Variants in DSCAM observed in about 807,000 individuals in gnomAD.
The protein encoded by DSCAM is DS cell adhesion molecule.
DSCAM carries 47 observed loss-of-function variants against 217.7 expected under a neutral mutation model. The ratio of observed to expected loss-of-function variants is 0.22; its 90% CI spans 0.17 to 0.28. The LOEUF (loss-of-function observed/expected upper bound fraction) is 0.28, where lower values mean the gene tolerates loss of function less well. DSCAM is among the 10% of genes least tolerant of loss of function. The pLI is 1.00. For missense variants in DSCAM, 2,080 were observed against 2,618.3 expected, an observed-to-expected ratio of 0.79 and a Z score of 4.49; for synonymous variants, 1,056 against 1,015.3, an observed-to-expected ratio of 1.04 and a Z score of -0.76.
intron 14 of DSCAM, among the ~76,000 whole-genome samples, chr21:40,182,640 C>T (rs2090827424): frequency 2.2e-5 from 2 of 92,154 alleles, no homozygotes; most frequent in African/African-American, 5.4e-5. Context: ...AAACCGTGGA[C>T]AGGAGGGGGT....
chr21:40,406,873 C>G (rs1013142751), intron 3 of DSCAM, among the ~76,000 whole-genome samples: 2 of 152,168 alleles, frequency 1.3e-5, no homozygotes, highest in Admixed American at 6.5e-5. Flanking sequence ...CCTGCCTCGA[C>G]CTCCCAGAAT....
chr21:40,344,689 T>C lies in DSCAM; in HGVS notation c.1210+2981A>G, dbSNP rs374475854. ...TAATATTTTTCCTCCCTCAGATTTT[T>C]AAGTTTTTCTCTTTATCTTCGGTTT... On this transcript the variant is annotated intron_variant, in intron 6 of 32. Coordinates refer to ENST00000400454, the MANE Select transcript of DSCAM (RefSeq NM_001389.5). Among the ~76,000 whole-genome samples the C allele has an allele frequency of 1.4e-4, 22 of 152,338 alleles. No homozygotes were observed. The South Asian group carries it at 2.5e-3, about 17-fold the overall frequency.
intron 11 of DSCAM, among the ~76,000 whole-genome samples, chr21:40,233,398 G>T (rs2146928237): frequency 6.6e-6 from 1 of 152,218 alleles, no homozygotes; most frequent in African/African-American, 2.4e-5. Context: ...ACTTAAATCT[G>T]ATGAAGAAAA....
intron 3 of DSCAM, among the ~76,000 whole-genome samples, chr21:40,638,273 A>C (rs1217374733): frequency 6.6e-6 from 1 of 152,186 alleles, no homozygotes; most frequent in Non-Finnish European, 1.5e-5. Flanking sequence ...TTTCAAATGG[A>C]ATTTCCCTGG....
intron 28 of DSCAM, among the ~76,000 whole-genome samples, chr21:40,057,946 G>C (rs2089053686): frequency 7.2e-6 from 1 of 138,802 alleles, no homozygotes. Context: ...CGCGATCTCA[G>C]CTCACTGCAA....
intron 1 of DSCAM, among the ~76,000 whole-genome samples, chr21:40,812,624 T>C (rs550955968): frequency 6.6e-6 from 1 of 152,282 alleles, no homozygotes; most frequent in South Asian, 2.1e-4. Flanking sequence ...AGAAGAAACC[T>C]TGAGAGTTCG....
chr21:40,345,753 G>T (rs1268916283), intron 6 of DSCAM, among the ~76,000 whole-genome samples: 3 of 151,974 alleles, frequency 2.0e-5, no homozygotes, highest in African/African-American at 7.3e-5. Context: ...TTTAAAGCAG[G>T]TACTAGATAT....
intron 3 of DSCAM, among the ~76,000 whole-genome samples, chr21:40,651,959 A>G (rs1455181883): frequency 6.6e-6 from 1 of 151,902 alleles, no homozygotes; most frequent in Non-Finnish European, 1.5e-5. Flanking sequence ...CAGCCCCCCC[A>G]CCTTTTTCTC....
intron 8 of DSCAM, among the ~76,000 whole-genome samples, chr21:40,332,146 T>C (rs2074383999): frequency 6.6e-6 from 1 of 152,222 alleles, no homozygotes; most frequent in Non-Finnish European, 1.5e-5. Context: ...AAATGCTATC[T>C]CTCTTAAATT....
At chr21:40,124,130 G>T in intron 20 of DSCAM, 65 bp downstream of exon 20, 2 of 1,606,438 alleles carry the variant, frequency 1.2e-6, no homozygotes, top group Non-Finnish European at 1.7e-6. Context: ...AAACTGTCCA[G>T]TGCGAGCACC....
intron 3 of DSCAM, among the ~76,000 whole-genome samples, chr21:40,518,597 C>CATATACATACACACACAT (rs2076333409): frequency 1.1e-5 from 1 of 90,072 alleles, no homozygotes; most frequent in Admixed American, 1.6e-4. Context: ...TACACACACA[C>CATATACATACACACACAT]ATATATACAT....
chr21:40,710,145 G>T (rs1223264390), intron 1 of DSCAM, among the ~76,000 whole-genome samples: 1 of 152,006 alleles, frequency 6.6e-6, no homozygotes, highest in African/African-American at 2.4e-5. Flanking sequence ...CTTTTGAGAA[G>T]AGTCTGTTTA....
At chr21:40,319,325 T>A (rs912982669) in intron 8 of DSCAM, among the ~76,000 whole-genome samples, 1 of 152,098 alleles carries the variant, frequency 6.6e-6, no homozygotes, top group Non-Finnish European at 1.5e-5. Flanking sequence ...CAGAAAAAAA[T>A]AGCTGGACCC....
intron 3 of DSCAM, among the ~76,000 whole-genome samples, chr21:40,601,890 A>C (rs2077064608): frequency 6.6e-6 from 1 of 152,054 alleles, no homozygotes. Flanking sequence ...TATTCTTTTT[A>C]TACATTGTTG....
intron 1 of DSCAM, among the ~76,000 whole-genome samples, chr21:40,836,132 A>G (rs1174758511): frequency 1.3e-5 from 2 of 152,138 alleles, no homozygotes; most frequent in Non-Finnish European, 2.9e-5. Context: ...AGCCCGTTCT[A>G]GCTCATCTCT....
At chr21:40,289,602 C>G (rs1337630777) in intron 10 of DSCAM, among the ~76,000 whole-genome samples, 1 of 152,144 alleles carries the variant, frequency 6.6e-6, no homozygotes, top group South Asian at 2.1e-4. Context: ...ATTCACATAG[C>G]TTTTATTACA....
At chr21:40,600,028 A>G (rs1233174998) in intron 3 of DSCAM, among the ~76,000 whole-genome samples, 1 of 152,212 alleles carries the variant, frequency 6.6e-6, no homozygotes, top group Admixed American at 6.5e-5. Context: ...ACAGAGTTAC[A>G]AAGAGGAGCT....
intron 1 of DSCAM, among the ~76,000 whole-genome samples, chr21:40,818,021 G>C (rs950997440): frequency 1.9e-4 from 27 of 142,864 alleles, no homozygotes; most frequent in Admixed American, 1.8e-3. Flanking sequence ...GCGTGAACCC[G>C]GGAGGCGGAG....
intron 8 of DSCAM, among the ~76,000 whole-genome samples, chr21:40,329,079 A>G (rs969638553): frequency 6.6e-6 from 1 of 152,250 alleles, no homozygotes; most frequent in Admixed American, 6.5e-5. Flanking sequence ...GCAAGTTATT[A>G]TACTCACTAT....
Sources: gnomAD v4.1 joint callset for allele counts (sites outside exome capture counted in the v4.1 genomes callset) on GRCh38, gnomAD v4.1.1 for gene constraint, MANE v1.5 for transcripts, NCBI Gene and HGNC (gene_info 2026-07-23, HGNC 2026-07-21) for gene names.